STX17: variants seen among roughly 807,000 people sequenced by gnomAD.
STX17 encodes the protein syntaxin 17.
Under a neutral mutation model 35.9 loss-of-function variants are expected in STX17, and 29 were observed. The observed-to-expected ratio is 0.81, with a 90% CI of 0.60 to 1.10. The LOEUF (loss-of-function observed/expected upper bound fraction) is 1.10, where lower values mean the gene tolerates loss of function less well. STX17 is among the 50% of genes least tolerant of loss of function. The pLI, the probability that STX17 is intolerant of heterozygous loss-of-function variation, is 0.00. For synonymous variants in STX17, 92 were observed against 118.3 expected (o/e 0.78, Z 1.44); for missense variants, 312 against 352.3 (o/e 0.89, Z 0.92).
At chr9:99,941,379 C>G (rs541809460) in intron 3 of STX17, among the ~76,000 whole-genome samples, 29 of 152,270 alleles carry the variant, frequency 1.9e-4, no homozygotes, top group African/African-American at 6.7e-4. Flanking sequence ...TTACCCCTAC[C>G]CAAATGCTTC....
At chr9:99,954,263 G>C (rs1226199913) in intron 4 of STX17, among the ~76,000 whole-genome samples, 1 of 151,910 alleles carries the variant, frequency 6.6e-6, no homozygotes, top group Non-Finnish European at 1.5e-5. Flanking sequence ...TCAATACCTA[G>C]GTTATACCTA....
At chr9:99,944,527 T>C (rs1283112144) in intron 3 of STX17, among the ~76,000 whole-genome samples, 1 of 152,032 alleles carries the variant, frequency 6.6e-6, no homozygotes, top group Non-Finnish European at 1.5e-5. Context: ...TTTTTTTTTT[T>C]TTTTAAGTTG....
At chr9:99,912,180 C>T (rs533147858) in intron 1 of STX17, among the ~76,000 whole-genome samples, 8 of 151,728 alleles carry the variant, frequency 5.3e-5, no homozygotes, top group African/African-American at 1.7e-4. Context: ...AAGCTGAGCT[C>T]GTGCCACTGC....
chr9:99,952,796 T>C (rs943270034), intron 4 of STX17, among the ~76,000 whole-genome samples: 96 of 148,332 alleles, frequency 6.5e-4, no homozygotes, highest in South Asian at 3.0e-3. Flanking sequence ...AACCAAACAC[T>C]GCATGTTCTC....
intron 1 of STX17, among the ~76,000 whole-genome samples, chr9:99,907,879 A>C (rs1828582674): frequency 6.6e-6 from 1 of 152,106 alleles, no homozygotes; most frequent in South Asian, 2.1e-4. Context: ...AAGACCCGAC[A>C]TTGCAGTTAG....
chr9:99,968,438 C>A lies in STX17; in HGVS notation c.674C>A (p.Ala225Glu), dbSNP rs1293909151. ...EEGTKNLGKA[A>E]KYKLAALPVA... ...GAATTTTTTTTTTTTTTACAGGCTG[C>A]AAAATACAAGCTGGCAGCTCTGCCT... The change falls in exon 8 of 8, where the codon GCA becomes GAA. Residue 225 changes from alanine (A) to glutamate (E), a missense_variant. Transcript: ENST00000259400. 3.9e-6 allele frequency: 6 copies of A among 1,521,296 alleles called. No individual in the cohort carries two copies. The highest frequency in any genetic ancestry group is 2.3e-5 in the Admixed American group (1 of 44,354). 94.2% of individuals were successfully genotyped at this position (1,521,296 alleles called of 1,614,324 possible).
intron 1 of STX17, among the ~76,000 whole-genome samples, chr9:99,909,309 T>C (rs1436378335): frequency 6.6e-6 from 1 of 152,188 alleles, no homozygotes; most frequent in Non-Finnish European, 1.5e-5. Context: ...GGTAGACTAA[T>C]TGAAGCTCCA....
At position 99,970,623 on chromosome 9, in the gene STX17, C is replaced by T. The variant is rs1390987364; in HGVS notation, c.*1950C>T. 6.6e-6 allele frequency among the ~76,000 whole-genome samples: 1 copy of T among 152,210 alleles called. No individual in the cohort carries two copies. The highest frequency in any genetic ancestry group is 1.5e-5 in the Non-Finnish European group (1 of 68,032). On this transcript the variant is annotated 3_prime_UTR_variant, in exon 8 of 8. Transcript: ENST00000259400. ...AGTTCCAGGGGTAATTCTGACATCA[C>T]CCGTCCAGCATAGTCAGCTGAAATT...
At chr9:99,929,602 A>AT (rs1304258246) in intron 3 of STX17, among the ~76,000 whole-genome samples, 9 of 148,974 alleles carry the variant, frequency 6.0e-5, no homozygotes, top group African/African-American at 7.4e-5. Flanking sequence ...TCAGGTTTAG[A>AT]TTTTTTTTTT....
At chr9:99,911,466 G>A (rs1828663112) in intron 1 of STX17, among the ~76,000 whole-genome samples, 1 of 152,116 alleles carries the variant, frequency 6.6e-6, no homozygotes, top group Non-Finnish European at 1.5e-5. Context: ...CAATAAACAT[G>A]GGGCTGTAGG....
intron 1 of STX17, among the ~76,000 whole-genome samples, chr9:99,908,501 A>G (rs753151605): frequency 2.0e-5 from 3 of 152,050 alleles, no homozygotes; most frequent in Non-Finnish European, 4.4e-5. Flanking sequence ...ATGTTTTTCT[A>G]TTGGTTGTTA....
intron 1 of STX17, chr9:99,913,844 C>T (rs1350884483): frequency 6.6e-6 from 1 of 152,102 alleles, no homozygotes; most frequent in East Asian, 1.9e-4. Flanking sequence ...ATATAACCAA[C>T]ACATCAAGAT....
intron 4 of STX17, among the ~76,000 whole-genome samples, chr9:99,956,299 A>G (rs1416343317): frequency 2.0e-5 from 3 of 152,166 alleles, no homozygotes; most frequent in Non-Finnish European, 4.4e-5. Flanking sequence ...TTAATATATA[A>G]TAATCTGTCC....
intron 3 of STX17, among the ~76,000 whole-genome samples, chr9:99,949,942 T>TACACACACACAC (rs58226718): frequency 9.4e-5 from 14 of 149,088 alleles, no homozygotes; most frequent in African/African-American, 3.2e-4. Flanking sequence ...CACACATGTA[T>TACACACACACAC]ACACACACAC....
In STX17 at chr9:99,973,215, GAA is replaced by G. The variant is rs11312818; in HGVS notation, c.*4552_*4553del. Among the ~76,000 whole-genome samples the G allele has an allele frequency of 0.027, 3,990 of 146,356 alleles. 74 individuals carry two copies. Among genetic ancestry groups the G allele is most frequent in the Non-Finnish European group, 0.039 (2,584 of 66,330 alleles). ...AAATATATCTGTGCAATATTAAATT[GAA>G]AAAAAAAAACCCATAAAAAGTGTCA... On this transcript the variant is annotated 3_prime_UTR_variant, in exon 8 of 8. Transcript: ENST00000259400.
At chr9:99,957,117 A>G (rs561083842) in intron 4 of STX17, among the ~76,000 whole-genome samples, 2 of 152,218 alleles carry the variant, frequency 1.3e-5, no homozygotes, top group African/African-American at 4.8e-5. Flanking sequence ...TTGTACCATC[A>G]AACTGCTGAT....
chr9:99,963,216 T>C (rs1829860147), intron 6 of STX17, among the ~76,000 whole-genome samples: 1 of 152,160 alleles, frequency 6.6e-6, no homozygotes, highest in Non-Finnish European at 1.5e-5. Context: ...GTTAATAAAT[T>C]AATATCTACT....
chr9:99,953,824 C>T (rs1030396459), intron 4 of STX17, among the ~76,000 whole-genome samples: 1 of 151,946 alleles, frequency 6.6e-6, no homozygotes, highest in African/African-American at 2.4e-5. Context: ...TTTTAATATC[C>T]TAATACTTGC....
intron 2 of STX17, 109 bp from the exon 3 acceptor site, chr9:99,928,669 T>G (rs1286034338): frequency 1.2e-6 from 1 of 810,816 alleles, no homozygotes; most frequent in Admixed American, 2.1e-5. Flanking sequence ...CACTCTCTTC[T>G]CTAGATAGTA....
Sources: allele counts gnomAD v4.1 joint callset (sites outside exome capture counted in the v4.1 genomes callset), GRCh38; gene constraint gnomAD v4.1.1; transcripts MANE v1.5; gene names NCBI Gene and HGNC (gene_info 2026-07-23, HGNC 2026-07-21).